The following FBXO4 variants were observed in gnomAD, a reference collection of about 807,000 sequenced individuals.
The protein encoded by FBXO4 is F-box only protein 4.
FBXO4 carries 36 observed loss-of-function variants against 43.7 expected under a neutral mutation model. The ratio of observed to expected loss-of-function variants is 0.82; its 90% CI spans 0.63 to 1.09. FBXO4 has a LOEUF of 1.09. Among genes scored for constraint, FBXO4 ranks in the 50% least tolerant of loss-of-function variants. The probability of loss-of-function intolerance (pLI) is 0.00; values close to 1 mark genes in which losing one functional copy is unlikely to be tolerated. For synonymous variants in FBXO4, 180 were observed against 165.6 expected (o/e 1.09, Z -0.67); for missense variants, 435 against 474.1 (o/e 0.92, Z 0.77).
chr5:41,972,492 T>G, the FBXO4 span, among the ~76,000 whole-genome samples: 1 of 152,156 alleles, frequency 6.6e-6, no homozygotes, highest in Non-Finnish European at 1.5e-5. Flanking sequence ...ATGACCATAC[T>G]GTCCAAAGCA....
chr5:41,986,355 C>A, the FBXO4 span, among the ~76,000 whole-genome samples: 1 of 151,452 alleles, frequency 6.6e-6, no homozygotes, highest in Non-Finnish European at 1.5e-5. Flanking sequence ...AAATCCAAGC[C>A]CCACAACAAC....
At position 41,925,342 on chromosome 5, in the gene FBXO4, C is replaced by CTCG; in HGVS notation, c.34_36dup (p.Ser12dup). On this transcript the variant is annotated inframe_insertion, in exon 1 of 7. Coordinates refer to ENST00000281623, the MANE Select transcript of FBXO4 (RefSeq NM_012176.3). ...GAAGCGAGCCGCGCAGCGGAACAAA[C>CTCG]TCGCCGCCGCCGCCCTTCAGCGACT... is the stretch of plus-strand genomic sequence containing the variant. The CTCG allele has an allele frequency of 7.3e-7, 1 of 1,366,570 alleles. No individual in the cohort carries two copies. Among genetic ancestry groups the CTCG allele is most frequent in the East Asian group, 3.1e-5 (1 of 32,394 alleles). The allele number at this position is 1,366,570 out of a possible 1,614,324, so 84.7% of individuals were successfully genotyped here.
chr5:41,952,633 C>G, the FBXO4 span, among the ~76,000 whole-genome samples: 1 of 152,288 alleles, frequency 6.6e-6, no homozygotes, highest in East Asian at 1.9e-4. Context: ...CCTGTCCACT[C>G]TCTCCTAGCC....
At chr5:41,936,684 G>A (rs1159091775) in intron 5 of FBXO4, among the ~76,000 whole-genome samples, 2 of 152,066 alleles carry the variant, frequency 1.3e-5, no homozygotes, top group African/African-American at 4.8e-5. Flanking sequence ...CAGATGAATA[G>A]TTCCTTCAGT....
chr5:41,929,220 T>C (rs1279923985), intron 2 of FBXO4, among the ~76,000 whole-genome samples: 1 of 152,234 alleles, frequency 6.6e-6, no homozygotes, highest in Non-Finnish European at 1.5e-5. Context: ...AATTCTTTGT[T>C]CTGGGGCCTG....
intron 5 of FBXO4, 80 bp from the exon 6 acceptor site, chr5:41,939,360 CG>C: frequency 7.6e-7 from 1 of 1,322,574 alleles, no homozygotes; most frequent in Non-Finnish European, 1.0e-6. Context: ...TTTGTTCCCT[CG>C]CTTTGTTAGT....
chr5:42,018,256 T>C, the FBXO4 span, among the ~76,000 whole-genome samples: 3 of 151,580 alleles, frequency 2.0e-5, no homozygotes, highest in Admixed American at 6.6e-5. Flanking sequence ...AGCAAATGTT[T>C]CAGATTAGCA....
chr5:41,956,620 T>C, the FBXO4 span, among the ~76,000 whole-genome samples: 1 of 152,072 alleles, frequency 6.6e-6, no homozygotes, highest in African/African-American at 2.4e-5. Context: ...AATTTAAAGA[T>C]GATATTTCAT....
the FBXO4 span, among the ~76,000 whole-genome samples, chr5:41,993,336 T>C: frequency 6.6e-6 from 1 of 152,024 alleles, no homozygotes; most frequent in African/African-American, 2.4e-5. Flanking sequence ...CAAATAAGAG[T>C]TACATGTATT....
the FBXO4 span, among the ~76,000 whole-genome samples, chr5:42,001,715 G>A: frequency 1.1e-4 from 16 of 152,082 alleles, no homozygotes; most frequent in South Asian, 2.1e-4. Context: ...CTTTTGAGAC[G>A]GAGTCTCACT....
the FBXO4 span, among the ~76,000 whole-genome samples, chr5:41,973,940 GT>G: frequency 1.2e-4 from 18 of 152,080 alleles, no homozygotes; most frequent in Admixed American, 3.3e-4. Context: ...AATTCTCCTA[GT>G]TTTTGTTTAT....
the FBXO4 span, among the ~76,000 whole-genome samples, chr5:41,985,098 T>C: frequency 1.2e-4 from 18 of 152,196 alleles, no homozygotes; most frequent in African/African-American, 4.1e-4. Flanking sequence ...GCATTCAGTC[T>C]CACACACTTT....
the FBXO4 span, among the ~76,000 whole-genome samples, chr5:41,990,903 T>C: frequency 6.6e-6 from 1 of 152,186 alleles, no homozygotes; most frequent in Non-Finnish European, 1.5e-5. Context: ...CCCCCACCAC[T>C]GAATAAAACT....
At chr5:41,999,536 C>CATATATATGTGTATATAT in the FBXO4 span, among the ~76,000 whole-genome samples, 1 of 79,882 alleles carries the variant, frequency 1.3e-5, no homozygotes, top group East Asian at 2.5e-4. Flanking sequence ...TATATATATA[C>CATATATATGTGTATATAT]ATATATATGT....
chr5:42,034,561 C>T, the FBXO4 span, among the ~76,000 whole-genome samples: 2 of 152,068 alleles, frequency 1.3e-5, no homozygotes, highest in South Asian at 2.1e-4. Context: ...GGAAGGGGTC[C>T]TGTTTCAGTT....
At chr5:41,954,185 C>T in the FBXO4 span, among the ~76,000 whole-genome samples, 6 of 151,248 alleles carry the variant, frequency 4.0e-5, no homozygotes, top group Admixed American at 2.6e-4. Flanking sequence ...GGAAGAAATG[C>T]CTAAATTTAC....
At chr5:41,967,822 T>G in the FBXO4 span, 1 of 603,882 alleles carries the variant, frequency 1.7e-6, no homozygotes, top group Admixed American at 1.9e-5. Context: ...TACATTACCA[T>G]CATTATTCAA....
At chr5:42,009,449 A>G in the FBXO4 span, among the ~76,000 whole-genome samples, 3 of 150,428 alleles carry the variant, frequency 2.0e-5, no homozygotes, top group African/African-American at 7.4e-5. Context: ...AATATTTTCC[A>G]TCCTTCTTTT....
At chr5:42,010,033 AT>A in the FBXO4 span, among the ~76,000 whole-genome samples, 1 of 152,086 alleles carries the variant, frequency 6.6e-6, no homozygotes, top group Non-Finnish European at 1.5e-5. Flanking sequence ...AGTATTTGTT[AT>A]TTTGTGACTG....
Sources: allele counts gnomAD v4.1 joint callset (sites outside exome capture counted in the v4.1 genomes callset), GRCh38; gene constraint gnomAD v4.1.1; transcripts MANE v1.5; gene names NCBI Gene and HGNC (gene_info 2026-07-23, HGNC 2026-07-21).